The following ARHGAP15 variants were observed in gnomAD, a reference collection of about 807,000 sequenced individuals.
ARHGAP15 encodes rho GTPase-activating protein 15.
A neutral mutation model predicts 63.7 loss-of-function variants in ARHGAP15; 51 were observed. The ratio of observed to expected loss-of-function variants is 0.80; its 90% confidence interval spans 0.64 to 1.01. ARHGAP15 has a LOEUF of 1.01. Among genes scored for constraint, ARHGAP15 ranks in the 50% least tolerant of loss-of-function variants. ARHGAP15 has a pLI of 0.00. For missense variants in ARHGAP15, 560 were observed against 564.6 expected (o/e 0.99, Z 0.08); for synonymous variants, 191 against 193.8 (o/e 0.99, Z 0.12).
intron 6 of ARHGAP15, among the ~76,000 whole-genome samples, chr2:143,346,314 G>A (rs1315549178): frequency 1.3e-5 from 2 of 150,648 alleles, no homozygotes; most frequent in South Asian, 2.1e-4. Context: ...TTGAACACTC[G>A]GAAGCTCATT....
chr2:143,571,582 G>A (rs894203445), intron 11 of ARHGAP15, among the ~76,000 whole-genome samples: 1 of 152,144 alleles, frequency 6.6e-6, no homozygotes, highest in African/African-American at 2.4e-5. Context: ...ATTCTAAAAA[G>A]CCCATGGAAT....
chr2:143,528,679 T>C (rs189181779), intron 10 of ARHGAP15, among the ~76,000 whole-genome samples: 12 of 152,150 alleles, frequency 7.9e-5, no homozygotes, highest in Non-Finnish European at 4.4e-5. Flanking sequence ...TTTCTTCTTT[T>C]AAAATGATGT....
chr2:143,505,838 C>T (rs537390807), intron 9 of ARHGAP15, among the ~76,000 whole-genome samples: 24 of 152,248 alleles, frequency 1.6e-4, no homozygotes, highest in African/African-American at 5.5e-4. Flanking sequence ...CCTGAAATAG[C>T]TTTTAACCTG....
At chr2:143,317,042 C>T (rs1277228459) in intron 6 of ARHGAP15, among the ~76,000 whole-genome samples, 2 of 151,218 alleles carry the variant, frequency 1.3e-5, no homozygotes, top group African/African-American at 4.9e-5. Context: ...CTGTCTATCC[C>T]TCTCTCTCTC....
chr2:143,412,372 G>GATAA (rs10646498), intron 6 of ARHGAP15, among the ~76,000 whole-genome samples: 136,509 of 151,842 alleles, frequency 0.9, 61,623 homozygotes, highest in Middle Eastern at 0.98. Flanking sequence ...TAAATGTATT[G>GATAA]ATATATATAA....
intron 6 of ARHGAP15, among the ~76,000 whole-genome samples, chr2:143,397,316 A>ATGTATGTGTG (rs143187201): frequency 3.7e-4 from 54 of 147,622 alleles, no homozygotes; most frequent in African/African-American, 1.1e-3. Context: ...TGAGATATGT[A>ATGTATGTGTG]TGTGTGTGTG....
intron 10 of ARHGAP15, among the ~76,000 whole-genome samples, chr2:143,549,145 TATA>T (rs1247036663): frequency 6.6e-6 from 1 of 152,098 alleles, no homozygotes; most frequent in African/African-American, 2.4e-5. Flanking sequence ...ATGAAAATAA[TATA>T]ATAGTATCTT....
At chr2:143,240,732 T>G (rs1693830423) in intron 5 of ARHGAP15, among the ~76,000 whole-genome samples, 1 of 152,060 alleles carries the variant, frequency 6.6e-6, no homozygotes, top group South Asian at 2.1e-4. Context: ...TGGAGGATAA[T>G]GGGTAGAGAT....
intron 6 of ARHGAP15, among the ~76,000 whole-genome samples, chr2:143,402,749 T>C (rs1422681200): frequency 6.6e-6 from 1 of 151,804 alleles, no homozygotes; most frequent in Non-Finnish European, 1.5e-5. Context: ...CATGTTGGGC[T>C]GATTGAAGGA....
chr2:143,440,023 G>T (rs1689805679), intron 8 of ARHGAP15, among the ~76,000 whole-genome samples: 1 of 151,858 alleles, frequency 6.6e-6, no homozygotes, highest in Non-Finnish European at 1.5e-5. Context: ...ATCTTGGTGA[G>T]TATGTATAGT....
At chr2:143,670,432 A>T (rs1682459216) in intron 12 of ARHGAP15, among the ~76,000 whole-genome samples, 1 of 152,224 alleles carries the variant, frequency 6.6e-6, no homozygotes, top group African/African-American at 2.4e-5. Context: ...GCAAAAAGGC[A>T]GTGCAAAGGA....
chr2:143,134,104 AATCT>A (rs70982842), intron 1 of ARHGAP15, among the ~76,000 whole-genome samples: 16,781 of 141,114 alleles, frequency 0.12, 1,046 homozygotes, highest in African/African-American at 0.16. Context: ...TCTATTTGAA[AATCT>A]ATCTATCTAT....
intron 6 of ARHGAP15, among the ~76,000 whole-genome samples, chr2:143,379,495 G>A (rs200034448): frequency 0.32 from 45,190 of 140,532 alleles, 6,748 homozygotes; most frequent in Non-Finnish European, 0.34. Flanking sequence ...ATATGTGTGT[G>A]TGTGTGTGTG....
At chr2:143,301,177 T>C (rs1413998144) in intron 6 of ARHGAP15, among the ~76,000 whole-genome samples, 1 of 151,946 alleles carries the variant, frequency 6.6e-6, no homozygotes, top group Non-Finnish European at 1.5e-5. Flanking sequence ...AATATATATT[T>C]GAGTTGAAAC....
chr2:143,735,310 T>C (rs1685701428), intron 13 of ARHGAP15, among the ~76,000 whole-genome samples: 1 of 152,152 alleles, frequency 6.6e-6, no homozygotes. Flanking sequence ...AAAGAGAATT[T>C]GCTGGATCAC....
At chr2:143,399,424 T>C (rs1687906718) in intron 6 of ARHGAP15, among the ~76,000 whole-genome samples, 3 of 151,986 alleles carry the variant, frequency 2.0e-5, no homozygotes, top group African/African-American at 7.2e-5. Context: ...GGAATTTTAT[T>C]CCCTGAGGTT....
chr2:143,635,281 G>A (rs555515118), intron 12 of ARHGAP15, among the ~76,000 whole-genome samples: 7 of 124,800 alleles, frequency 5.6e-5, no homozygotes, highest in African/African-American at 1.2e-4. Context: ...TCGAACTCCC[G>A]GACTCAAGCA....
At chr2:143,550,734 G>A (rs954208753) in intron 10 of ARHGAP15, among the ~76,000 whole-genome samples, 3 of 152,062 alleles carry the variant, frequency 2.0e-5, no homozygotes, top group African/African-American at 7.2e-5. Flanking sequence ...TTAACTTTTG[G>A]GAGCTCTCCT....
Position 143,213,197 on chromosome 2 carries a change from T to C in ARHGAP15, c.235-3187T>C, listed in dbSNP as rs957760649. Among the ~76,000 whole-genome samples, 11 of 152,024 alleles carry C rather than the reference T, an allele frequency of 7.2e-5. No homozygotes were observed. The East Asian group carries it at 2.1e-3, about 29-fold the overall frequency. Reference sequence around the variant, plus strand: ...TTAAAAATGTGTTGAAAAGAATGAATAAGTGTACATCAAGTATTAAAAAGA... The same window carrying C: ...TTAAAAATGTGTTGAAAAGAATGAACAAGTGTACATCAAGTATTAAAAAGA... On this transcript the variant is annotated intron_variant, in intron 3 of 13. Transcript: ENST00000295095.
Sources: allele counts gnomAD v4.1 joint callset (sites outside exome capture counted in the v4.1 genomes callset), GRCh38; gene constraint gnomAD v4.1.1; transcripts MANE v1.5; gene names NCBI Gene and HGNC (gene_info 2026-07-23, HGNC 2026-07-21).